KHDRBS2: variants seen among roughly 807,000 people sequenced by gnomAD.
KHDRBS2 encodes the protein KH domain-containing, RNA-binding, signal transduction-associated protein 2.
Under a neutral mutation model 44.3 loss-of-function variants are expected in KHDRBS2, and 26 were observed. That is an observed-to-expected ratio of 0.59 (90% CI 0.43 to 0.81). KHDRBS2 has a LOEUF of 0.81. Among genes scored for constraint, KHDRBS2 ranks in the 40% least tolerant of loss-of-function variants. The probability of loss-of-function intolerance (pLI) is 0.00; values close to 1 mark genes in which losing one functional copy is unlikely to be tolerated. For missense variants in KHDRBS2, 476 were observed against 433.1 expected (o/e 1.10, Z -0.88); for synonymous variants, 194 against 151.1 (o/e 1.28, Z -2.08).
chr6:61,602,586 C>T, the KHDRBS2 span, among the ~76,000 whole-genome samples: 15 of 152,162 alleles, frequency 9.9e-5, no homozygotes, highest in Non-Finnish European at 1.5e-4. Flanking sequence ...TGACACTGCC[C>T]GATCGCCTCA....
At chr6:61,575,794 G>A in the KHDRBS2 span, among the ~76,000 whole-genome samples, 26 of 152,170 alleles carry the variant, frequency 1.7e-4, no homozygotes, top group Non-Finnish European at 3.4e-4. Flanking sequence ...CAAAATAATG[G>A]CATCTGCAGC....
chr6:62,060,054 T>G (rs1791372511), intron 2 of KHDRBS2, among the ~76,000 whole-genome samples: 1 of 151,772 alleles, frequency 6.6e-6, no homozygotes, highest in Admixed American at 6.6e-5. Flanking sequence ...AGCTAAGATG[T>G]ATGAGAAGTT....
chr6:61,873,810 T>C (rs1241494852), intron 6 of KHDRBS2, among the ~76,000 whole-genome samples: 2 of 151,846 alleles, frequency 1.3e-5, no homozygotes, highest in Admixed American at 1.3e-4. Context: ...TAGAAAGAAA[T>C]AAACTAAACA....
chr6:61,878,262 C>G lies in KHDRBS2; in HGVS notation c.810+16373G>C, dbSNP rs1003140905. Among the ~76,000 whole-genome samples, 2 of 151,964 alleles carry G rather than the reference C, an allele frequency of 1.3e-5. 1 individual carries two copies. Among genetic ancestry groups the G allele is most frequent in the South Asian group, 4.1e-4 (2 of 4,828 alleles). On this transcript the variant is annotated intron_variant, in intron 6 of 8. Transcript: ENST00000281156. ...CAGATATCTCAGAAACATTGAACAA[C>G]CCTCCACTAATAACCAACTTAATTA...
chr6:61,558,864 T>C, the KHDRBS2 span, among the ~76,000 whole-genome samples: 1 of 152,190 alleles, frequency 6.6e-6, no homozygotes, highest in African/African-American at 2.4e-5. Context: ...CAATGAGTCA[T>C]ATGCTGAGGA....
chr6:61,600,810 A>T, the KHDRBS2 span, among the ~76,000 whole-genome samples: 1 of 151,816 alleles, frequency 6.6e-6, no homozygotes, highest in Non-Finnish European at 1.5e-5. Flanking sequence ...CTCTTCTCCA[A>T]CCTCTCTCAC....
intron 1 of KHDRBS2, among the ~76,000 whole-genome samples, chr6:62,281,101 C>T (rs12660844): frequency 0.23 from 35,123 of 151,984 alleles, 5,619 homozygotes; most frequent in African/African-American, 0.46. Context: ...CTAATCAAGC[C>T]CATGGTTAAA....
intron 2 of KHDRBS2, among the ~76,000 whole-genome samples, chr6:62,112,829 GT>G (rs1805326744): frequency 1.3e-5 from 2 of 152,036 alleles, no homozygotes; most frequent in African/African-American, 4.8e-5. Context: ...AGAGCAATTG[GT>G]GCATCAAAAT....
chr6:62,133,809 T>C (rs1032137475), intron 2 of KHDRBS2, among the ~76,000 whole-genome samples: 4 of 152,184 alleles, frequency 2.6e-5, no homozygotes, highest in African/African-American at 9.6e-5. Flanking sequence ...ACTCTTGCTA[T>C]GTTTTAGCAA....
chr6:61,807,830 T>A (rs561177739), intron 6 of KHDRBS2, among the ~76,000 whole-genome samples: 55 of 152,024 alleles, frequency 3.6e-4, no homozygotes, highest in African/African-American at 1.3e-3. Context: ...AAAGTTAAAA[T>A]AAAAATAATA....
At chr6:62,245,199 CTT>C (rs1178739166) in intron 1 of KHDRBS2, among the ~76,000 whole-genome samples, 2 of 152,086 alleles carry the variant, frequency 1.3e-5, no homozygotes, top group Non-Finnish European at 2.9e-5. Context: ...GCTGCATTCT[CTT>C]TGTTTCTGCT....
At chr6:61,622,834 G>C in the KHDRBS2 span, among the ~76,000 whole-genome samples, 3 of 152,200 alleles carry the variant, frequency 2.0e-5, no homozygotes, top group Admixed American at 6.5e-5. Context: ...CACCAAGAAC[G>C]TCAGTGGTAG....
chr6:62,172,733 C>G (rs1820307077), intron 2 of KHDRBS2, among the ~76,000 whole-genome samples: 1 of 133,736 alleles, frequency 7.5e-6, no homozygotes. Flanking sequence ...GGAATCATAC[C>G]AAGCATGCTC....
chr6:61,843,322 G>A (rs1191134136), intron 6 of KHDRBS2, among the ~76,000 whole-genome samples: 1 of 146,466 alleles, frequency 6.8e-6, no homozygotes, highest in Non-Finnish European at 1.5e-5. Context: ...AAATGGCATG[G>A]TATATGAATT....
chr6:61,736,244 A>ACACACACT (rs1454435167), intron 6 of KHDRBS2, among the ~76,000 whole-genome samples: 1 of 150,842 alleles, frequency 6.6e-6, no homozygotes, highest in Non-Finnish European at 1.5e-5. Context: ...ACACACACAC[A>ACACACACT]CACTAACAAC....
At chr6:62,202,200 T>C (rs1200242502) in intron 1 of KHDRBS2, among the ~76,000 whole-genome samples, 1 of 152,070 alleles carries the variant, frequency 6.6e-6, no homozygotes, top group Non-Finnish European at 1.5e-5. Context: ...TTCTCAAATA[T>C]GTGTAATCAG....
intron 1 of KHDRBS2, among the ~76,000 whole-genome samples, chr6:62,196,595 GA>G (rs5876787): frequency 0.8 from 121,420 of 152,014 alleles, 49,140 homozygotes; most frequent in African/African-American, 0.93. Flanking sequence ...TGGGAAGATG[GA>G]ACACTCAACC....
chr6:61,586,452 C>A, the KHDRBS2 span, among the ~76,000 whole-genome samples: 1 of 152,080 alleles, frequency 6.6e-6, no homozygotes, highest in Admixed American at 6.6e-5. Context: ...TAAGGAAACT[C>A]CCTAGCTCTC....
At chr6:62,006,466 T>C (rs1663725781) in intron 3 of KHDRBS2, among the ~76,000 whole-genome samples, 1 of 151,942 alleles carries the variant, frequency 6.6e-6, no homozygotes, top group Non-Finnish European at 1.5e-5. Context: ...GAGCTGAAGG[T>C]AGAATGAGCA....
Sources: allele counts gnomAD v4.1 joint callset (sites outside exome capture counted in the v4.1 genomes callset), GRCh38; gene constraint gnomAD v4.1.1; transcripts MANE v1.5; gene names NCBI Gene and HGNC (gene_info 2026-07-23, HGNC 2026-07-21).